Variants in MED13L observed in about 807,000 individuals in gnomAD.
The protein encoded by MED13L is mediator complex subunit 13L.
MED13L carries 7 observed loss-of-function variants against 220.9 expected under a neutral mutation model. That is an observed-to-expected ratio of 0.03 (90% CI 0.02 to 0.06). MED13L has a LOEUF of 0.06. Among genes scored for constraint, MED13L ranks in the 10% least tolerant of loss-of-function variants. The pLI is 1.00. For missense variants in MED13L, 1,965 were observed against 2,760.5 expected (o/e 0.71, Z 6.46); for synonymous variants, 1,011 against 1,015.2 (o/e 1.00, Z 0.08).
intron 2 of MED13L, among the ~76,000 whole-genome samples, chr12:116,116,398 A>G (rs906105445): frequency 1.3e-5 from 2 of 152,186 alleles, no homozygotes. Flanking sequence ...ATAACTGGAC[A>G]CATGGAGGTT....
At chr12:116,251,134 TAA>T (rs888555177) in intron 1 of MED13L, among the ~76,000 whole-genome samples, 5 of 135,964 alleles carry the variant, frequency 3.7e-5, no homozygotes, top group African/African-American at 5.4e-5. Context: ...AAAGTAGGTT[TAA>T]AAAAAAAAAA....
chr12:116,179,627 A>T (rs1880365433), intron 2 of MED13L, among the ~76,000 whole-genome samples: 1 of 152,006 alleles, frequency 6.6e-6, no homozygotes, highest in African/African-American at 2.4e-5. Flanking sequence ...TAAACACTCT[A>T]TGAAGGTATT....
chr12:116,032,882 AAGG>A (rs1780241256), intron 4 of MED13L, among the ~76,000 whole-genome samples: 1 of 152,112 alleles, frequency 6.6e-6, no homozygotes, highest in African/African-American at 2.4e-5. Context: ...GAGTGACAGG[AAGG>A]AGGAGAGGAG....
chr12:116,193,694 TAATC>T (rs1345903387), intron 2 of MED13L, among the ~76,000 whole-genome samples: 1 of 151,584 alleles, frequency 6.6e-6, no homozygotes, highest in Non-Finnish European at 1.5e-5. Context: ...TAATTACTAA[TAATC>T]AGAGTCCCCA....
intron 3 of MED13L, among the ~76,000 whole-genome samples, chr12:116,104,915 T>C (rs2137863110): frequency 6.6e-6 from 1 of 152,320 alleles, no homozygotes. Flanking sequence ...GTGGTACAAA[T>C]CACTGAAGCA....
intron 2 of MED13L, among the ~76,000 whole-genome samples, chr12:116,222,416 C>T (rs1048545379): frequency 1.3e-5 from 2 of 152,152 alleles, no homozygotes; most frequent in African/African-American, 2.4e-5. Context: ...TATTTCTTCC[C>T]GGCCTCTGTT....
Position 116,000,430 on chromosome 12 carries a change from T to C in MED13L, c.2569+2573A>G, listed in dbSNP as rs548878938. 4.3e-4 allele frequency among the ~76,000 whole-genome samples: 65 copies of C among 152,288 alleles called. 3 individuals are homozygous for C. In the South Asian group the frequency reaches 0.013, roughly 30 times the overall value. On this transcript the variant is annotated intron_variant, in intron 14 of 30. Coordinates refer to ENST00000281928, the MANE Select transcript of MED13L (RefSeq NM_015335.5). ...ATCTCTGCACTTCAGCGGGAACTCA[T>C]AAGACACCCACCTGCTCCTGCCCAG...
intron 4 of MED13L, among the ~76,000 whole-genome samples, chr12:116,029,707 C>A (rs1471128966): frequency 6.6e-6 from 1 of 152,120 alleles, no homozygotes. Context: ...AACATGTACA[C>A]AGCCACACTG....
chr12:116,053,509 A>G (rs952691930), intron 4 of MED13L, among the ~76,000 whole-genome samples: 6 of 152,194 alleles, frequency 3.9e-5, no homozygotes, highest in Non-Finnish European at 5.9e-5. Context: ...AGGAAATACT[A>G]AGAGTTATTA....
At chr12:116,220,945 T>C (rs1465694059) in intron 2 of MED13L, among the ~76,000 whole-genome samples, 1 of 152,162 alleles carries the variant, frequency 6.6e-6, no homozygotes, top group African/African-American at 2.4e-5. Flanking sequence ...AGTGATTAGT[T>C]TGAAGTCCCT....
At chr12:116,123,852 G>C (rs1237267495) in intron 2 of MED13L, among the ~76,000 whole-genome samples, 1 of 152,052 alleles carries the variant, frequency 6.6e-6, no homozygotes, top group Admixed American at 6.6e-5. Context: ...AGAGAACATG[G>C]AAACACGATT....
At chr12:116,250,045 AAAAACACACC>A in intron 1 of MED13L, among the ~76,000 whole-genome samples, 1 of 149,848 alleles carries the variant, frequency 6.7e-6, no homozygotes, top group African/African-American at 2.4e-5. Context: ...AAAAAAAAAA[AAAAACACACC>A]AAAATACATC....
rs963871254 is a variant in MED13L at position 116,165,684 on chromosome 12, CAG to C, written c.311-54174_311-54173del. 1.2e-4 allele frequency among the ~76,000 whole-genome samples: 19 copies of C among 152,270 alleles called. 1 individual carries two copies. The highest frequency in any genetic ancestry group is 3.4e-3 in the Middle Eastern group (1 of 294). On this transcript the variant is annotated intron_variant, in intron 2 of 30. Transcript: ENST00000281928. Reference sequence around the variant, plus strand: ...TGCCACCTTGCACATTGTAGACTAACAGAGTTTCACCATTCCTGTCTCGTTGC... The same window carrying C: ...TGCCACCTTGCACATTGTAGACTAACAGTTTCACCATTCCTGTCTCGTTGC...
intron 4 of MED13L, among the ~76,000 whole-genome samples, chr12:116,087,940 G>C (rs1871853480): frequency 6.6e-6 from 1 of 152,130 alleles, no homozygotes; most frequent in Non-Finnish European, 1.5e-5. Context: ...ATACGTATCA[G>C]GTTCCCCATC....
At chr12:116,124,119 AAGACGAGAG>A in intron 2 of MED13L, among the ~76,000 whole-genome samples, 1 of 100,498 alleles carries the variant, frequency 1.0e-5, no homozygotes. Flanking sequence ...GAGAGAGAGA[AAGACGAGAG>A]AGAGAGAGAG....
rs1377820301 is a variant in MED13L at position 116,006,244 on chromosome 12, G to T, written c.2344+62C>A. 4.9e-6 allele frequency: 7 copies of T among 1,425,956 alleles called. No homozygotes were observed. The East Asian group carries it at 1.6e-4, about 32-fold the overall frequency. The allele number at this position is 1,425,956 out of a possible 1,614,324, so 88.3% of individuals were successfully genotyped here. A position where few individuals can be genotyped will look rare whatever the true frequency, so the allele number is the denominator to read the frequency against. Reference sequence around the variant, plus strand: ...TAAGAATAAAATTTTACATTGAGAAGCATCTCCTTTGCATTTCATTTTAGC... The same window carrying T: ...TAAGAATAAAATTTTACATTGAGAATCATCTCCTTTGCATTTCATTTTAGC... On this transcript the variant is annotated intron_variant, in intron 12 of 30. Coordinates refer to ENST00000281928, the MANE Select transcript of MED13L (RefSeq NM_015335.5).
At position 115,981,078 on chromosome 12, in the gene MED13L, A is replaced by G. The variant is rs376743635; in HGVS notation, c.5176-140T>C. 6.9e-4 allele frequency: 476 copies of G among 687,280 alleles called. 1 individual carries two copies. Among genetic ancestry groups the G allele is most frequent in the Non-Finnish European group, 1.0e-3 (413 of 398,690 alleles). The allele number at this position is 687,280 out of a possible 1,614,324, so 42.6% of individuals were successfully genotyped here. A position where few individuals can be genotyped will look rare whatever the true frequency, so the allele number is the denominator to read the frequency against. On this transcript the variant is annotated intron_variant, in intron 22 of 30. Transcript: ENST00000281928. ...AGAGGTAACCTCAGCCTTAAAATAT[A>G]TCTGTGCCACACATAATATAATTAA...
chr12:116,101,617 A>G (rs1422186508), intron 3 of MED13L, among the ~76,000 whole-genome samples: 2 of 152,226 alleles, frequency 1.3e-5, no homozygotes, highest in Non-Finnish European at 2.9e-5. Flanking sequence ...AGATTCATAG[A>G]CACTAAAAAA....
chr12:116,242,795 G>A (rs1870772442), intron 1 of MED13L, among the ~76,000 whole-genome samples: 1 of 152,142 alleles, frequency 6.6e-6, no homozygotes, highest in African/African-American at 2.4e-5. Flanking sequence ...GTAGCAAATG[G>A]CAGATCCCAA....
Sources: gnomAD v4.1 joint callset for allele counts (sites outside exome capture counted in the v4.1 genomes callset) on GRCh38, gnomAD v4.1.1 for gene constraint, MANE v1.5 for transcripts, NCBI Gene and HGNC (gene_info 2026-07-23, HGNC 2026-07-21) for gene names.